Variants in PDS5B observed in about 807,000 individuals in gnomAD.
The protein encoded by PDS5B is PDS5 cohesin associated factor B.
In PDS5B, 51 loss-of-function variants were observed where a neutral mutation model predicts 184.1. The observed-to-expected ratio is 0.28, with a 90% CI of 0.22 to 0.35. The LOEUF (loss-of-function observed/expected upper bound fraction) is 0.35. PDS5B is among the 10% of genes least tolerant of loss of function. The pLI is 1.00. For synonymous variants in PDS5B, 566 were observed against 569.2 expected, an observed-to-expected ratio of 0.99 and a Z score of 0.08; for missense variants, 1,180 against 1,723.3, an observed-to-expected ratio of 0.68 and a Z score of 5.58.
In PDS5B at chr13:32,687,376, A is replaced by G. The variant is rs538188730; in HGVS notation, c.1355+91A>G. On this transcript the variant is annotated intron_variant, in intron 12 of 34. Transcript: ENST00000315596. ...TGCAAACTATTTTCTTTATGACCTT[A>G]CACTCCTTCCTCAGTTTTTAGTGCA... 3.1e-6 allele frequency: 3 copies of G among 958,588 alleles called. No homozygotes were observed. In the African/African-American group the frequency reaches 5.1e-5, roughly 16 times the overall value. The allele number at this position is 958,588 out of a possible 1,614,324, so 59.4% of individuals were successfully genotyped here.
chr13:32,757,958 T>G (rs1954245088), intron 26 of PDS5B, 129 bp from the exon 27 acceptor site: 1 of 431,388 alleles, frequency 2.3e-6, no homozygotes, highest in South Asian at 8.8e-5. Flanking sequence ...TGTAACTGTT[T>G]CTTTTTTTTT....
chr13:32,667,710 T>C, intron 6 of PDS5B, 54 bp from the exon 7 acceptor site: 1 of 1,020,966 alleles, frequency 9.8e-7, no homozygotes, highest in Non-Finnish European at 1.5e-6. Context: ...ACAGGTAATA[T>C]TTTGCTTTTC....
intron 1 of PDS5B, among the ~76,000 whole-genome samples, chr13:32,640,137 C>T (rs1182813297): frequency 6.6e-6 from 1 of 151,920 alleles, no homozygotes; most frequent in Non-Finnish European, 1.5e-5. Context: ...TAAAGAATGA[C>T]CATTTCATTG....
At chr13:32,721,073 CTCTT>C (rs1952662684) in intron 19 of PDS5B, among the ~76,000 whole-genome samples, 1 of 152,372 alleles carries the variant, frequency 6.6e-6, no homozygotes, top group Non-Finnish European at 1.5e-5. Flanking sequence ...AATCTGATCT[CTCTT>C]TCTTTTCCCC....
intron 30 of PDS5B, among the ~76,000 whole-genome samples, chr13:32,763,121 A>C (rs1290508101): frequency 6.6e-6 from 1 of 152,142 alleles, no homozygotes; most frequent in African/African-American, 2.4e-5. Context: ...TATATTTGAG[A>C]AACCTGTTTG....
At chr13:32,712,807 A>AGGTTT (rs1952249818) in intron 19 of PDS5B, among the ~76,000 whole-genome samples, 1 of 152,234 alleles carries the variant, frequency 6.6e-6, no homozygotes, top group Non-Finnish European at 1.5e-5. Context: ...TCTTTAGGTC[A>AGGTTT]ACCTGTTTAC....
At chr13:32,685,375 T>C (rs1379062374) in intron 11 of PDS5B, among the ~76,000 whole-genome samples, 1 of 152,214 alleles carries the variant, frequency 6.6e-6, no homozygotes, top group African/African-American at 2.4e-5. Flanking sequence ...ATAGTAGCCT[T>C]CTAAATACCT....
intron 12 of PDS5B, among the ~76,000 whole-genome samples, chr13:32,687,618 CTT>C (rs1380478823): frequency 6.6e-6 from 1 of 152,004 alleles, no homozygotes; most frequent in Non-Finnish European, 1.5e-5. Flanking sequence ...TCAAAGAAAA[CTT>C]TAAAAAGCTG....
chr13:32,732,359 A>G (rs1422972952), intron 20 of PDS5B, 135 bp downstream of exon 20: 1 of 639,576 alleles, frequency 1.6e-6, no homozygotes, highest in Non-Finnish European at 2.8e-6. Flanking sequence ...CAGTAAAATC[A>G]ACATTGATAA....
chr13:32,730,038 G>A (rs1253584112), intron 19 of PDS5B, among the ~76,000 whole-genome samples: 1 of 149,528 alleles, frequency 6.7e-6, no homozygotes, highest in East Asian at 1.9e-4. Context: ...GTCCTGAATG[G>A]TTTTACCTAG....
chr13:32,663,550 CTT>C (rs1455357289), intron 6 of PDS5B, among the ~76,000 whole-genome samples: 3 of 152,068 alleles, frequency 2.0e-5, no homozygotes, highest in African/African-American at 4.8e-5. Flanking sequence ...TAATTTATAA[CTT>C]AGCAAATTTG....
At chr13:32,763,916 T>C (rs561688492) in intron 30 of PDS5B, among the ~76,000 whole-genome samples, 13 of 152,224 alleles carry the variant, frequency 8.5e-5, no homozygotes, top group Admixed American at 5.9e-4. Flanking sequence ...ATAAATAGTT[T>C]TAAAAACTAG....
chr13:32,628,560 A>AAC (rs1393255104), intron 1 of PDS5B, among the ~76,000 whole-genome samples: 1 of 151,780 alleles, frequency 6.6e-6, no homozygotes, highest in African/African-American at 2.4e-5. Flanking sequence ...GGGAAAAAAA[A>AAC]AAAAAAATTA....
intron 1 of PDS5B, among the ~76,000 whole-genome samples, chr13:32,641,384 A>G (rs1474492570): frequency 1.3e-5 from 2 of 151,556 alleles, no homozygotes; most frequent in Non-Finnish European, 2.9e-5. Context: ...GTAATTTGGT[A>G]TTCATTCCCA....
chr13:32,708,461 A>AT (rs894515265), intron 18 of PDS5B, among the ~76,000 whole-genome samples: 1 of 152,186 alleles, frequency 6.6e-6, no homozygotes, highest in Non-Finnish European at 1.5e-5. Context: ...GTAATATCTT[A>AT]TTTTTTAGAA....
intron 25 of PDS5B, among the ~76,000 whole-genome samples, chr13:32,754,106 T>G (rs1954083294): frequency 6.6e-6 from 1 of 152,166 alleles, no homozygotes; most frequent in Admixed American, 6.6e-5. Flanking sequence ...TCTCCAAATG[T>G]CTTGAACATT....
At chr13:32,713,974 G>A (rs928208107) in intron 19 of PDS5B, among the ~76,000 whole-genome samples, 11 of 152,120 alleles carry the variant, frequency 7.2e-5, no homozygotes, top group Non-Finnish European at 1.2e-4. Flanking sequence ...AAGGGACAGA[G>A]TACAAAAGAG....
At chr13:32,715,857 T>C (rs9568225) in intron 19 of PDS5B, among the ~76,000 whole-genome samples, 123 of 152,360 alleles carry the variant, frequency 8.1e-4, no homozygotes, top group Non-Finnish European at 1.0e-3. Flanking sequence ...GACGGGGTTT[T>C]GCTGTGTTGG....
intron 1 of PDS5B, among the ~76,000 whole-genome samples, chr13:32,635,463 C>G (rs1325737185): frequency 7.9e-5 from 12 of 151,346 alleles, no homozygotes; most frequent in Non-Finnish European, 1.6e-4. Context: ...CCTGCCTCAG[C>G]CTCCGAGGTA....
Sources: allele counts gnomAD v4.1 joint callset (sites outside exome capture counted in the v4.1 genomes callset), GRCh38; gene constraint gnomAD v4.1.1; transcripts MANE v1.5; gene names NCBI Gene and HGNC (gene_info 2026-07-23, HGNC 2026-07-21).